Variants in MED1 observed in about 807,000 individuals in gnomAD.
The protein encoded by MED1 is mediator complex subunit 1.
Under a neutral mutation model 121.3 loss-of-function variants are expected in MED1, and 17 were observed. That is an observed-to-expected ratio of 0.14 (90% confidence interval 0.10 to 0.21). The LOEUF is 0.21. Among genes scored for constraint, MED1 ranks in the 10% least tolerant of loss-of-function variants. The pLI is 1.00. For synonymous variants in MED1, 661 were observed against 694.4 expected, an observed-to-expected ratio of 0.95 and a Z score of 0.76; for missense variants, 1,558 against 1,919.4, an observed-to-expected ratio of 0.81 and a Z score of 3.52.
intron 3 of MED1, among the ~76,000 whole-genome samples, chr17:39,442,710 C>G (rs1446296646): frequency 6.6e-6 from 1 of 150,466 alleles, no homozygotes; most frequent in African/African-American, 2.4e-5. Flanking sequence ...AGATCGAGAC[C>G]AGCCTGACCA....
intron 11 of MED1, among the ~76,000 whole-genome samples, chr17:39,424,327 A>T (rs947855062): frequency 2.0e-5 from 3 of 152,184 alleles, no homozygotes; most frequent in African/African-American, 7.2e-5. Flanking sequence ...ATTTATCCTG[A>T]GGCATGTTCT....
chr17:39,441,840 C>T (rs1341113804), intron 3 of MED1, among the ~76,000 whole-genome samples: 2 of 152,132 alleles, frequency 1.3e-5, no homozygotes. Context: ...AAGTGGCTCA[C>T]GCCTGTAATC....
chr17:39,407,785 C>T lies in MED1; in HGVS notation c.4436G>A (p.Ser1479Asn). ...SSIAEKSYQN[S>N]PSSDDGIRPL... is the part of the protein sequence containing the mutation. ...TCGGATACCATCGTCTGAGCTGGGACTATTCTGATAAGATTTCTCTGCTAT... is the reference window on the plus strand; with the variant it reads ...TCGGATACCATCGTCTGAGCTGGGATTATTCTGATAAGATTTCTCTGCTAT... Residue 1479 changes from serine (S) to asparagine (N), a missense_variant, in exon 17 of 17, where the codon AGT becomes AAT. Ser to Asn is a conservative substitution (Grantham distance 46). Transcript: ENST00000300651. 6.2e-7 allele frequency: 1 copy of T among 1,614,104 alleles called. No individual in the cohort carries two copies. Among genetic ancestry groups the T allele is most frequent in the Non-Finnish European group, 8.5e-7 (1 of 1,180,034 alleles).
At chr17:39,447,669 C>A in intron 2 of MED1, 129 bp downstream of exon 2, 1 of 598,198 alleles carries the variant, frequency 1.7e-6, no homozygotes, top group East Asian at 2.9e-5. Context: ...CAATAGACTC[C>A]TAAAGTTGAA....
At chr17:39,441,130 T>C (rs1174073194) in intron 3 of MED1, among the ~76,000 whole-genome samples, 1 of 152,100 alleles carries the variant, frequency 6.6e-6, no homozygotes, top group Non-Finnish European at 1.5e-5. Flanking sequence ...TTTTCAACCT[T>C]AAAAAAGAAA....
In MED1 at chr17:39,410,375, AC is replaced by A. The variant is rs2048345542; in HGVS notation, c.1845del (p.Ser616LeufsTer31). 1 of 1,611,464 alleles carries A rather than the reference AC, an allele frequency of 6.2e-7. No individual in the cohort carries two copies. ...GGGGTCGGACTCGAGCCAATGGTAGACCCCCCGTTCCCTGTGATTTGCAACA... is the reference window on the plus strand; with the variant it reads ...GGGGTCGGACTCGAGCCAATGGTAGACCCCCGTTCCCTGTGATTTGCAACA... ...TSLLQITGNG[G>X]STIGSSPTPP... is the part of the protein sequence containing the mutation. On this transcript the variant is annotated frameshift_variant, in exon 17 of 17. Transcript: ENST00000300651. LOFTEE classifies it high-confidence loss of function.
At chr17:39,421,255 AAAAAG>A (rs1256967813) in intron 13 of MED1, among the ~76,000 whole-genome samples, 4 of 149,498 alleles carry the variant, frequency 2.7e-5, no homozygotes, top group South Asian at 2.1e-4. Context: ...AAAAAAAAGA[AAAAAG>A]AAAAGAAAAG....
chr17:39,405,459 ATTT>A lies in MED1; in HGVS notation c.*2013_*2015del, dbSNP rs878982604. Reference sequence around the variant, plus strand: ...AGAACAAATTTTAAAAACCACATAAATTTTTTTTTTTTTCCTGCAGAAACCAAC... The same window carrying A: ...AGAACAAATTTTAAAAACCACATAAATTTTTTTTTTCCTGCAGAAACCAAC... On this transcript the variant is annotated 3_prime_UTR_variant, in exon 17 of 17. Transcript: ENST00000300651. The A allele has an allele frequency of 3.3e-5, 36 of 1,077,842 alleles. No homozygotes were observed. The highest frequency in any genetic ancestry group is 2.3e-4 in the Middle Eastern group (1 of 4,390). 66.8% of individuals were successfully genotyped at this position (1,077,842 alleles called of 1,614,324 possible).
intron 6 of MED1, among the ~76,000 whole-genome samples, chr17:39,436,805 G>A (rs1408837124): frequency 1.3e-5 from 2 of 150,700 alleles, no homozygotes; most frequent in Admixed American, 6.6e-5. Context: ...GTCTCACTCC[G>A]TCACCCAGGC....
At chr17:39,417,294 C>T (rs1165214127) in intron 14 of MED1, among the ~76,000 whole-genome samples, 1 of 151,226 alleles carries the variant, frequency 6.6e-6, no homozygotes. Flanking sequence ...CACACCACTG[C>T]ACTCCAGCCT....
chr17:39,432,891 C>A (rs917382848), intron 7 of MED1, among the ~76,000 whole-genome samples: 1 of 152,086 alleles, frequency 6.6e-6, no homozygotes, highest in Non-Finnish European at 1.5e-5. Context: ...ATGGTAAAAC[C>A]CTGTCTCTAC....
Position 39,440,161 on chromosome 17 carries a change from C to A in MED1, c.399+225G>T, listed in dbSNP as rs1296650445. 6.6e-6 allele frequency among the ~76,000 whole-genome samples: 1 copy of A among 151,882 alleles called. No homozygotes were observed. Among genetic ancestry groups the A allele is most frequent in the Non-Finnish European group, 1.5e-5 (1 of 67,942 alleles). Reference sequence around the variant, plus strand: ...GGAAGGAAGGAAAGGGAAAAGGGTTCCTATGGTGTTTCCACTTGTTAAAGC... The same window carrying A: ...GGAAGGAAGGAAAGGGAAAAGGGTTACTATGGTGTTTCCACTTGTTAAAGC... On this transcript the variant is annotated intron_variant, in intron 5 of 16. Coordinates refer to ENST00000300651, the MANE Select transcript of MED1 (RefSeq NM_004774.4). This position sits in a 1 kb window ranked among gnomAD's most constrained non-coding sequence, Gnocchi z 4.1.
intron 2 of MED1, among the ~76,000 whole-genome samples, chr17:39,445,041 C>T (rs1176452666): frequency 6.6e-6 from 1 of 152,170 alleles, no homozygotes; most frequent in Non-Finnish European, 1.5e-5. Flanking sequence ...ATCTATCTCA[C>T]TGCTCTAATT....
chr17:39,427,000 A>G (rs2048521165), intron 10 of MED1, among the ~76,000 whole-genome samples: 1 of 151,956 alleles, frequency 6.6e-6, no homozygotes, highest in Non-Finnish European at 1.5e-5. Flanking sequence ...GGTATGCTAC[A>G]GTCTCAAACT....
intron 5 of MED1, among the ~76,000 whole-genome samples, chr17:39,439,882 G>C (rs989422893): frequency 6.0e-5 from 9 of 150,772 alleles, no homozygotes; most frequent in African/African-American, 2.2e-4. Context: ...AGATTACAGT[G>C]AGCCAAGATC....
chr17:39,410,468 G>T lies in MED1; in HGVS notation c.1753C>A (p.Arg585=). The T allele has an allele frequency of 6.2e-7, 1 of 1,614,070 alleles. No homozygotes were observed. The highest frequency in any genetic ancestry group is 8.5e-7 in the Non-Finnish European group (1 of 1,180,026). Residue 585 remains arginine, a synonymous_variant, in exon 17 of 17, where the codon CGG becomes AGG. Transcript: ENST00000300651. The part of the protein sequence containing the change: ...LFNMSMSIKD[R]HESVGHGEDF... ...TCCCCATGGCCCACCGACTCATGCC[G>T]ATCTTTGATGCTCATGCTCATATTA...
Position 39,409,323 on chromosome 17 carries a change from T to G in MED1, c.2898A>C (p.Glu966Asp). ...PLLTTGDLGKEKTQKRVKEGN... is the reference protein window; with the variant it reads ...PLLTTGDLGKDKTQKRVKEGN... ...CTTCCTTTACCCTCTTTTGAGTCTT[T>G]TCTTTCCCTAAGTCCCCAGTGGTCA... The change falls in exon 17 of 17, where the codon GAA becomes GAC. Residue 966 changes from glutamate (E) to aspartate (D), a missense_variant. Physicochemically the swap from Glu to Asp is conservative, Grantham distance 45 (BLOSUM62 2). Around this residue, in one of 5 missense-constraint regions of MED1, gnomAD observed 793 missense variants for 898.2 expected, o/e 0.88. Transcript: ENST00000300651. 1 of 1,614,118 alleles carries G rather than the reference T, an allele frequency of 6.2e-7. No homozygotes were observed. The highest frequency in any genetic ancestry group is 8.5e-7 in the Non-Finnish European group (1 of 1,180,006).
chr17:39,439,928 GTCCCA>G (rs2048655511), intron 5 of MED1, among the ~76,000 whole-genome samples: 1 of 143,058 alleles, frequency 7.0e-6, no homozygotes, highest in Non-Finnish European at 1.5e-5. Flanking sequence ...ACGAGACTCT[GTCCCA>G]GGGAAAAAAA....
Position 39,431,179 on chromosome 17 carries a change from A to T in MED1, c.585T>A (p.Thr195=). Residue 195 remains threonine, a synonymous_variant, in exon 9 of 17, where the codon ACT becomes ACA. Coordinates refer to ENST00000300651, the MANE Select transcript of MED1 (RefSeq NM_004774.4). ...GAATCTTATCCAAGGGACCAGCATT[A>T]GTTGCTTTCCTGTAAGACAAGTGAT... The part of the protein sequence containing the change: ...SKMAIMYWKA[T]NAGPLDKILH... 1 of 1,612,448 alleles carries T rather than the reference A, an allele frequency of 6.2e-7. No individual in the cohort carries two copies. Among genetic ancestry groups the T allele is most frequent in the South Asian group, 1.1e-5 (1 of 91,052 alleles).
Sources: allele counts gnomAD v4.1 joint callset (sites outside exome capture counted in the v4.1 genomes callset), GRCh38; gene constraint gnomAD v4.1.1; regional missense constraint gnomAD v4.1.1; non-coding constraint Gnocchi (gnomAD v3.1); transcripts MANE v1.5; gene names NCBI Gene and HGNC (gene_info 2026-07-23, HGNC 2026-07-21).